Variants in STK3 observed in about 807,000 individuals in gnomAD.
STK3 encodes the protein serine/threonine-protein kinase 3.
STK3 carries 41 observed loss-of-function variants against 58.0 expected under a neutral mutation model. The ratio of observed to expected loss-of-function variants is 0.71; its 90% confidence interval spans 0.55 to 0.92. The LOEUF is 0.92. STK3 is among the 40% of genes least tolerant of loss of function. The pLI is 0.00. For synonymous variants in STK3, 170 were observed against 191.0 expected (o/e 0.89, Z 0.91); for missense variants, 479 against 602.7 (o/e 0.79, Z 2.15).
At chr8:98,676,164 T>C (rs1823194706) in intron 6 of STK3, among the ~76,000 whole-genome samples, 2 of 152,144 alleles carry the variant, frequency 1.3e-5, no homozygotes, top group African/African-American at 4.8e-5. Context: ...TAGTCAGATT[T>C]ATAGAAACAG....
At chr8:98,489,824 C>T (rs1215243018) in intron 10 of STK3, among the ~76,000 whole-genome samples, 1 of 152,100 alleles carries the variant, frequency 6.6e-6, no homozygotes, top group East Asian at 1.9e-4. Flanking sequence ...AATTAATTCA[C>T]ATTATTTCTT....
intron 6 of STK3, among the ~76,000 whole-genome samples, chr8:98,685,852 GAC>G (rs1243790236): frequency 6.6e-6 from 1 of 151,894 alleles, no homozygotes; most frequent in Admixed American, 6.6e-5. Flanking sequence ...AAAATGAAAA[GAC>G]AACAGTAGGA....
rs773912857 is a variant in STK3 at position 98,463,238 on chromosome 8, CTTTG to C, written c.1318-7242_1318-7239del. ...AACTACTTTTTAATATGAGTCAACACTTTGTTTGTAAATTGATATGGTTTGGTAC... is the reference window on the plus strand; with the variant it reads ...AACTACTTTTTAATATGAGTCAACACTTTGTAAATTGATATGGTTTGGTAC... On this transcript the variant is annotated intron_variant, in intron 10 of 10. Transcript: ENST00000419617. 5.7e-4 allele frequency among the ~76,000 whole-genome samples: 86 copies of C among 152,044 alleles called. 1 individual carries two copies. The highest frequency in any genetic ancestry group is 6.2e-4 in the South Asian group (3 of 4,824).
At chr8:98,375,271 C>CTAA (rs1554585396) in intron 2 of STK3, among the ~76,000 whole-genome samples, 1 of 138,290 alleles carries the variant, frequency 7.2e-6, no homozygotes, top group African/African-American at 2.7e-5. Flanking sequence ...AAAAAAAAAA[C>CTAA]AAAAAAAAAC....
chr8:98,548,557 T>C (rs761654332), intron 8 of STK3, among the ~76,000 whole-genome samples: 1 of 152,146 alleles, frequency 6.6e-6, no homozygotes, highest in Non-Finnish European at 1.5e-5. Flanking sequence ...TATAACCTTG[T>C]AAAACAGCCA....
intron 1 of STK3, among the ~76,000 whole-genome samples, chr8:98,818,097 C>A (rs969910527): frequency 6.6e-6 from 1 of 152,222 alleles, no homozygotes; most frequent in Admixed American, 6.5e-5. Context: ...GCTTTCCCCC[C>A]TGCCTGGAAT....
intron 7 of STK3, among the ~76,000 whole-genome samples, chr8:98,586,434 C>A (rs916987563): frequency 3.3e-5 from 5 of 150,058 alleles, no homozygotes; most frequent in Non-Finnish European, 5.9e-5. Context: ...GCCTTGCATC[C>A]CAGGGATGAA....
At chr8:98,721,126 T>G (rs567625980) in intron 4 of STK3, 1 of 985,182 alleles carries the variant, frequency 1.0e-6, no homozygotes, top group South Asian at 4.7e-5. Context: ...AATGGGTGGC[T>G]TTATGAGCAT....
chr8:98,349,795 C>A, the STK3 span, among the ~76,000 whole-genome samples: 1 of 152,162 alleles, frequency 6.6e-6, no homozygotes, highest in Non-Finnish European at 1.5e-5. Context: ...TTAGTCATGG[C>A]TGGAGCAGCT....
intron 3 of STK3, chr8:98,429,302 G>T: frequency 3.7e-6 from 6 of 1,614,006 alleles, no homozygotes; most frequent in Non-Finnish European, 5.1e-6. Flanking sequence ...AGGTCCCTTC[G>T]GTCAATTTAA....
At chr8:98,657,637 GA>G (rs1821651229) in intron 6 of STK3, among the ~76,000 whole-genome samples, 1 of 151,962 alleles carries the variant, frequency 6.6e-6, no homozygotes. Context: ...CACATGTATA[GA>G]GAAATGTTTA....
At chr8:98,418,074 T>C (rs562365285) in intron 3 of STK3, among the ~76,000 whole-genome samples, 2 of 152,248 alleles carry the variant, frequency 1.3e-5, no homozygotes, top group South Asian at 4.1e-4. Flanking sequence ...CATCCCCAGC[T>C]AATTAAAAAA....
At chr8:98,656,214 T>C (rs1384538839) in intron 6 of STK3, among the ~76,000 whole-genome samples, 1 of 152,066 alleles carries the variant, frequency 6.6e-6, no homozygotes, top group Non-Finnish European at 1.5e-5. Context: ...AAATCATCAT[T>C]CTCAGTAAAC....
chr8:98,770,582 A>T (rs1200450625), intron 2 of STK3, among the ~76,000 whole-genome samples: 1 of 152,202 alleles, frequency 6.6e-6, no homozygotes, highest in Non-Finnish European at 1.5e-5. Context: ...GCCTCAGTAC[A>T]CACCAAAGGA....
chr8:98,884,930 A>G (rs1170633664), intron 1 of STK3, among the ~76,000 whole-genome samples: 1 of 152,248 alleles, frequency 6.6e-6, no homozygotes, highest in African/African-American at 2.4e-5. Context: ...AACCATTGTT[A>G]AGAGAATTGT....
chr8:98,904,953 G>T (rs72668436), intron 1 of STK3: 33,645 of 713,282 alleles, frequency 0.047, 1,031 homozygotes, highest in Middle Eastern at 0.063. Context: ...TGCAGAAGCT[G>T]CTGCCGCTGC....
At chr8:98,439,927 G>T (rs546598554) in intron 1 of STK3, among the ~76,000 whole-genome samples, 1 of 152,314 alleles carries the variant, frequency 6.6e-6, no homozygotes, top group African/African-American at 2.4e-5. Context: ...CATCTGCCAT[G>T]CACTAGCAGT....
intron 1 of STK3, among the ~76,000 whole-genome samples, chr8:98,909,336 T>C (rs561146516): frequency 6.6e-6 from 1 of 152,306 alleles, no homozygotes; most frequent in South Asian, 2.1e-4. Context: ...TATCGACAGA[T>C]GTTGAATTTT....
chr8:98,640,472 TTAA>T (rs1716194979), intron 6 of STK3, among the ~76,000 whole-genome samples: 2 of 152,172 alleles, frequency 1.3e-5, no homozygotes, highest in African/African-American at 4.8e-5. Flanking sequence ...AACATAAAAG[TTAA>T]TGATATACTA....
Sources: allele counts gnomAD v4.1 joint callset (sites outside exome capture counted in the v4.1 genomes callset), GRCh38; gene constraint gnomAD v4.1.1; transcripts MANE v1.5; gene names NCBI Gene and HGNC (gene_info 2026-07-23, HGNC 2026-07-21).